The following PGRMC2 variants were observed in gnomAD, a reference collection of about 807,000 sequenced individuals.
The protein encoded by PGRMC2 is membrane-associated progesterone receptor component 2.
A neutral mutation model predicts 19.3 loss-of-function variants in PGRMC2; 9 were observed. The ratio of observed to expected loss-of-function variants is 0.47; its 90% CI spans 0.28 to 0.81. The LOEUF (loss-of-function observed/expected upper bound fraction) is 0.81. Among genes scored for constraint, PGRMC2 ranks in the 40% least tolerant of loss-of-function variants. The probability of loss-of-function intolerance (pLI) is 0.11; values close to 1 mark genes in which losing one functional copy is unlikely to be tolerated. For synonymous variants in PGRMC2, 157 were observed against 124.6 expected (o/e 1.26, Z -1.73); for missense variants, 289 against 297.3 (o/e 0.97, Z 0.21).
chr4:128,273,931 A>G (rs1274720839), intron 1 of PGRMC2, among the ~76,000 whole-genome samples: 1 of 152,246 alleles, frequency 6.6e-6, no homozygotes, highest in East Asian at 1.9e-4. Flanking sequence ...CAGTAACATG[A>G]AAGTAAAGCT....
At chr4:128,283,594 A>C (rs757660336) in intron 1 of PGRMC2, among the ~76,000 whole-genome samples, 15 of 152,166 alleles carry the variant, frequency 9.9e-5, no homozygotes, top group Non-Finnish European at 1.5e-4. Flanking sequence ...AATTTTAATT[A>C]ATTTACTTTT....
chr4:128,279,522 AATTTT>A (rs1231311956), intron 1 of PGRMC2, among the ~76,000 whole-genome samples: 6 of 152,204 alleles, frequency 3.9e-5, no homozygotes, highest in African/African-American at 1.4e-4. Context: ...AAGCCTCGGT[AATTTT>A]ATTTCCAGGA....
intron 1 of PGRMC2, 33 bp downstream of exon 1, chr4:128,287,340 G>A (rs753115599): frequency 1.9e-5 from 30 of 1,568,722 alleles, no homozygotes; most frequent in Non-Finnish European, 2.5e-5. Context: ...TTCAGCTGCA[G>A]GGGGTCCTTC....
Position 128,287,559 on chromosome 4 carries a change from G to GCCGCCC in PGRMC2, c.226_231dup (p.Gly76_Arg77dup). On this transcript the variant is annotated inframe_insertion, in exon 1 of 3. Coordinates refer to ENST00000296425, the MANE Select transcript of PGRMC2 (RefSeq NM_006320.6). ...GCCCCGGCCCCGGCCCCCAGACCCC[G>GCCGCCC]CCGCCCCCAGCGCACCCACAGCCGG... is the stretch of plus-strand genomic sequence containing the variant. 5.7e-6 allele frequency: 1 copy of GCCGCCC among 176,786 alleles called. No homozygotes were observed. The highest frequency in any genetic ancestry group is 4.4e-5 in the South Asian group (1 of 22,646). 11.0% of individuals were successfully genotyped at this position (176,786 alleles called of 1,614,324 possible).
At position 128,287,574 on chromosome 4, in the gene PGRMC2, C is replaced by T; in HGVS notation, c.217G>A (p.Val73Met). 1 of 1,534,420 alleles carries T rather than the reference C, an allele frequency of 6.5e-7. No homozygotes were observed. The highest frequency in any genetic ancestry group is 8.8e-7 in the Non-Finnish European group (1 of 1,140,700). ...LVLLGAYRLW[V>M]RWGRRGLGAG... Reference sequence around the variant, plus strand: ...CCCAGACCCCGCCGCCCCCAGCGCACCCACAGCCGGTAGGCCCCCAGCAGC... The same window carrying T: ...CCCAGACCCCGCCGCCCCCAGCGCATCCACAGCCGGTAGGCCCCCAGCAGC... The change falls in exon 1 of 3, where the codon GTG becomes ATG. Residue 73 changes from valine (V) to methionine (M), a missense_variant. Val to Met is a conservative substitution (Grantham distance 21). Transcript: ENST00000296425.
intron 2 of PGRMC2, among the ~76,000 whole-genome samples, chr4:128,271,854 T>A (rs1000440529): frequency 2.6e-5 from 4 of 152,218 alleles, no homozygotes; most frequent in African/African-American, 4.8e-5. Context: ...GGGAAAGATA[T>A]TTTTTATCTA....
chr4:128,283,977 A>ATTTTTT (rs61702072), intron 1 of PGRMC2, among the ~76,000 whole-genome samples: 1 of 144,686 alleles, frequency 6.9e-6, no homozygotes. Context: ...TTTTATTTTT[A>ATTTTTT]TTTTTTTTTT....
intron 1 of PGRMC2, among the ~76,000 whole-genome samples, chr4:128,278,598 A>G (rs1396822608): frequency 6.6e-6 from 1 of 152,072 alleles, no homozygotes; most frequent in African/African-American, 2.4e-5. Context: ...CCACCACCCC[A>G]CCAAATTTGG....
At chr4:128,283,952 G>C (rs1463809386) in intron 1 of PGRMC2, among the ~76,000 whole-genome samples, 2 of 150,204 alleles carry the variant, frequency 1.3e-5, no homozygotes, top group Non-Finnish European at 3.0e-5. Flanking sequence ...GAGCCACCGT[G>C]CCTGGCCTTT....
intron 1 of PGRMC2, among the ~76,000 whole-genome samples, chr4:128,280,167 TATAAC>T (rs929107090): frequency 2.0e-5 from 3 of 151,696 alleles, no homozygotes; most frequent in African/African-American, 7.3e-5. Context: ...AGTGGGCACA[TATAAC>T]AGATACAGAA....
chr4:128,287,504 G>C lies in PGRMC2; in HGVS notation c.287C>G (p.Pro96Arg). Residue 96 changes from proline (P) to arginine (R), a missense_variant, in exon 1 of 3, where the codon CCT becomes CGT. Pro to Arg is a moderately radical substitution (Grantham distance 103, BLOSUM62 -2). Transcript: ENST00000296425. The part of the protein sequence containing the change: ...AGEESPATSL[P>R]RMKKRDFSLE... Reference sequence around the variant, plus strand: ...GCTGAAGTCCCGCTTCTTCATGCGAGGCAGAGAGGTGGCGGGGCTCTCCTC... The same window carrying C: ...GCTGAAGTCCCGCTTCTTCATGCGACGCAGAGAGGTGGCGGGGCTCTCCTC... The C allele has an allele frequency of 6.2e-7, 1 of 1,612,322 alleles. No individual in the cohort carries two copies. The highest frequency in any genetic ancestry group is 1.3e-5 in the African/African-American group (1 of 75,010).
At chr4:128,284,460 C>T (rs1760955594) in intron 1 of PGRMC2, among the ~76,000 whole-genome samples, 1 of 152,096 alleles carries the variant, frequency 6.6e-6, no homozygotes, top group African/African-American at 2.4e-5. Flanking sequence ...TTTACATGAC[C>T]AAACTTTCCT....
intron 1 of PGRMC2, among the ~76,000 whole-genome samples, chr4:128,278,027 C>G (rs1760838176): frequency 1.3e-5 from 2 of 152,144 alleles, no homozygotes; most frequent in African/African-American, 4.8e-5. Context: ...CAAAAGCGCT[C>G]AGCAACATTG....
chr4:128,287,501 C>G lies in PGRMC2; in HGVS notation c.290G>C (p.Arg97Pro). The change falls in exon 1 of 3, where the codon CGC becomes CCC. Residue 97 changes from arginine (R) to proline (P), a missense_variant. Arg to Pro is a moderately radical substitution (Grantham distance 103, BLOSUM62 -2). Transcript: ENST00000296425. Reference sequence around the variant, plus strand: ...CAAGCTGAAGTCCCGCTTCTTCATGCGAGGCAGAGAGGTGGCGGGGCTCTC... The same window carrying G: ...CAAGCTGAAGTCCCGCTTCTTCATGGGAGGCAGAGAGGTGGCGGGGCTCTC... ...GEESPATSLPRMKKRDFSLEQ... is the reference protein window; with the variant it reads ...GEESPATSLPPMKKRDFSLEQ... 1 of 1,612,642 alleles carries G rather than the reference C, an allele frequency of 6.2e-7. No individual in the cohort carries two copies. The highest frequency in any genetic ancestry group is 8.5e-7 in the Non-Finnish European group (1 of 1,179,418).
chr4:128,272,010 A>C (rs1394595996), intron 2 of PGRMC2, among the ~76,000 whole-genome samples: 1 of 152,238 alleles, frequency 6.6e-6, no homozygotes, highest in Non-Finnish European at 1.5e-5. Context: ...ACAATTTTTG[A>C]GGCTTAGAAT....
At chr4:128,282,633 T>C (rs1015792056) in intron 1 of PGRMC2, among the ~76,000 whole-genome samples, 2 of 152,190 alleles carry the variant, frequency 1.3e-5, no homozygotes, top group African/African-American at 2.4e-5. Flanking sequence ...TGGTAGGTAA[T>C]AGATGCATAT....
In PGRMC2 at chr4:128,272,572, CAAAGGAA is replaced by C. The variant is rs959302989; in HGVS notation, c.419-62_419-56del. 7.7e-5 allele frequency: 29 copies of C among 375,618 alleles called. No homozygotes were observed. The South Asian group carries it at 8.3e-4, about 11-fold the overall frequency. 23.3% of individuals were successfully genotyped at this position (375,618 alleles called of 1,614,324 possible). ...CACCTAACAATATTTTAGAATGTCT[CAAAGGAA>C]AAAGTAAAAAAAAAAAAAAAAAAAC... On this transcript the variant is annotated intron_variant, in intron 1 of 2. Transcript: ENST00000296425.
intron 1 of PGRMC2, among the ~76,000 whole-genome samples, chr4:128,280,880 ATGAGCCACTGCG>A (rs1760900722): frequency 1.3e-5 from 2 of 152,200 alleles, no homozygotes; most frequent in Non-Finnish European, 2.9e-5. Context: ...GATTATAGGC[ATGAGCCACTGCG>A]CCTGGCCCAA....
Position 128,271,256 on chromosome 4 carries a change from C to G in PGRMC2, c.*60G>C. 1 of 836,512 alleles carries G rather than the reference C, an allele frequency of 1.2e-6. No individual in the cohort carries two copies. Among genetic ancestry groups the G allele is most frequent in the South Asian group, 1.5e-5 (1 of 65,234 alleles). 51.8% of individuals were successfully genotyped at this position (836,512 alleles called of 1,614,324 possible). A position where few individuals can be genotyped will look rare whatever the true frequency, so the allele number is the denominator to read the frequency against. ...ATCAAACCCAAAGACTCCGGACAGT[C>G]TGTGAAAGGGAGTAAGAATTGCAGT... On this transcript the variant is annotated 3_prime_UTR_variant, in exon 3 of 3. Coordinates refer to ENST00000296425, the MANE Select transcript of PGRMC2 (RefSeq NM_006320.6).
Sources: gnomAD v4.1 joint callset for allele counts (sites outside exome capture counted in the v4.1 genomes callset) on GRCh38, gnomAD v4.1.1 for gene constraint, MANE v1.5 for transcripts, NCBI Gene and HGNC (gene_info 2026-07-23, HGNC 2026-07-21) for gene names.